Variants in PDE1C observed in about 807,000 individuals in gnomAD.
The protein encoded by PDE1C is dual specificity calcium/calmodulin-dependent 3',5'-cyclic nucleotide phosphodiesterase 1C.
PDE1C carries 62 observed loss-of-function variants against 93.1 expected under a neutral mutation model. The observed-to-expected ratio is 0.67, with a 90% CI of 0.54 to 0.82. The LOEUF is 0.82. PDE1C is among the 40% of genes least tolerant of loss of function. The pLI is 0.00. For missense variants in PDE1C, 742 were observed against 884.6 expected (o/e 0.84, Z 2.04); for synonymous variants, 325 against 310.1 (o/e 1.05, Z -0.50).
intron 7 of PDE1C, among the ~76,000 whole-genome samples, chr7:31,863,039 T>C (rs1261262777): frequency 6.6e-6 from 1 of 152,196 alleles, no homozygotes; most frequent in Non-Finnish European, 1.5e-5. Context: ...CTTTGAATAG[T>C]ATTGCTTTGA....
the PDE1C span, among the ~76,000 whole-genome samples, chr7:31,645,722 G>A: frequency 1.2e-4 from 19 of 152,134 alleles, no homozygotes; most frequent in African/African-American, 3.6e-4. Flanking sequence ...ATGACATTTC[G>A]TGATGTTTGG....
In PDE1C at chr7:32,144,457, A is replaced by C. The variant is rs32320; in HGVS notation, c.308+25328T>G. ...AGAAACACCTGCCCATCTCCAGGCA[A>C]TCATCATGGCTGGAGGAATCCTGTA... On this transcript the variant is annotated intron_variant, in intron 3 of 18. Coordinates refer to the PDE1C transcript ENST00000396193. 5.5e-3 allele frequency among the ~76,000 whole-genome samples: 845 copies of C among 152,292 alleles called. 5 individuals carry two copies. The highest frequency in any genetic ancestry group is 0.019 in the African/African-American group (792 of 41,556).
chr7:32,055,149 T>C (rs1793900047), intron 1 of PDE1C, among the ~76,000 whole-genome samples: 1 of 152,252 alleles, frequency 6.6e-6, no homozygotes, highest in African/African-American at 2.4e-5. Flanking sequence ...TGTTATTGAA[T>C]TCATGAATGC....
At chr7:32,177,511 C>T (rs1469013160) in intron 2 of PDE1C, among the ~76,000 whole-genome samples, 1 of 152,138 alleles carries the variant, frequency 6.6e-6, no homozygotes, top group Non-Finnish European at 1.5e-5. Flanking sequence ...CAGGGGTGTG[C>T]CTTTCAAATA....
the PDE1C span, among the ~76,000 whole-genome samples, chr7:31,714,604 AAAG>A: frequency 6.6e-6 from 1 of 152,190 alleles, no homozygotes; most frequent in African/African-American, 2.4e-5. Context: ...CTGGGAAGAA[AAAG>A]AAGTTTAATG....
chr7:32,357,055 C>T (rs748626904), intron 1 of PDE1C, among the ~76,000 whole-genome samples: 5 of 152,152 alleles, frequency 3.3e-5, no homozygotes, highest in Non-Finnish European at 7.4e-5. Context: ...AACTTTAGGC[C>T]GGGCTCAGTG....
chr7:32,097,063 C>T (rs1797792199), intron 3 of PDE1C, among the ~76,000 whole-genome samples: 1 of 152,184 alleles, frequency 6.6e-6, no homozygotes, highest in East Asian at 1.9e-4. Flanking sequence ...CCAGAAAAGA[C>T]CAATGTCCCA....
At chr7:31,691,184 T>C in the PDE1C span, among the ~76,000 whole-genome samples, 1 of 152,176 alleles carries the variant, frequency 6.6e-6, no homozygotes, top group African/African-American at 2.4e-5. Context: ...GCTCAAGTGA[T>C]CAGTTAATAG....
chr7:31,918,726 C>T (rs1356031459), intron 2 of PDE1C, among the ~76,000 whole-genome samples: 6 of 152,198 alleles, frequency 3.9e-5, no homozygotes, highest in Non-Finnish European at 7.3e-5. Flanking sequence ...GTCATTTCTG[C>T]TTCCCTTTTG....
intron 7 of PDE1C, among the ~76,000 whole-genome samples, chr7:31,860,098 C>T (rs1234716021): frequency 1.3e-5 from 2 of 152,170 alleles, no homozygotes; most frequent in Non-Finnish European, 2.9e-5. Flanking sequence ...GTAATCACTG[C>T]AAAATTGTTT....
chr7:32,020,880 T>G (rs546989906), intron 2 of PDE1C, among the ~76,000 whole-genome samples: 1 of 152,148 alleles, frequency 6.6e-6, no homozygotes, highest in Non-Finnish European at 1.5e-5. Flanking sequence ...ATTGCAGAAA[T>G]TTCTAGACCC....
rs1405705201 is a variant in PDE1C, at chr7:31,828,295, C to T, written c.1282G>A (p.Val428Ile). ...CCAAAGAGCTGCAAACACGTACCTA[C>T]TTGTGACTGAGCAACCATAGTGGAC... ...RKSTMVAQSQ[V>I]GFIDFIVEPT... The change falls in exon 12 of 18, where the codon GTA becomes ATA. Residue 428 changes from valine to isoleucine, a missense_variant. Coordinates refer to ENST00000396191, the MANE Select transcript of PDE1C (RefSeq NM_001191057.4). The T allele has an allele frequency of 1.2e-6, 2 of 1,612,022 alleles. No homozygotes were observed. Among genetic ancestry groups the T allele is most frequent in the South Asian group, 1.1e-5 (1 of 90,976 alleles).
rs201776732 is a variant in PDE1C at position 32,172,109 on chromosome 7, A to G, written c.137-2153T>C. On this transcript the variant is annotated intron_variant, in intron 2 of 18. Transcript: ENST00000396193. ...TAAATAACTATTATTTTAAAAGTCT[A>G]TGAGCAAAAAATTTTTTAAGTAGAG... is the stretch of plus-strand genomic sequence containing the variant. 1.8e-4 allele frequency among the ~76,000 whole-genome samples: 27 copies of G among 152,020 alleles called. No homozygotes were observed. The East Asian group carries it at 5.2e-3, about 29-fold the overall frequency.
chr7:31,943,116 G>T (rs1426372072), intron 2 of PDE1C, among the ~76,000 whole-genome samples: 1 of 152,114 alleles, frequency 6.6e-6, no homozygotes, highest in Non-Finnish European at 1.5e-5. Flanking sequence ...TCCTGGTTAG[G>T]CCATCCCCCA....
chr7:32,274,880 G>T (rs1014940865), intron 1 of PDE1C, among the ~76,000 whole-genome samples: 3 of 152,106 alleles, frequency 2.0e-5, no homozygotes, highest in Admixed American at 1.3e-4. Flanking sequence ...AATTGATATG[G>T]TTCATAAAAC....
chr7:31,929,568 T>C (rs879502568), intron 2 of PDE1C, among the ~76,000 whole-genome samples: 25 of 151,794 alleles, frequency 1.6e-4, no homozygotes, highest in Non-Finnish European at 2.1e-4. Context: ...TGCAAAAGAA[T>C]GGAAAACATA....
chr7:32,323,625 C>G (rs551045235), intron 1 of PDE1C, among the ~76,000 whole-genome samples: 3 of 152,050 alleles, frequency 2.0e-5, no homozygotes, highest in Non-Finnish European at 4.4e-5. Flanking sequence ...ATGTCAACCA[C>G]GGAACCAAGT....
At chr7:32,420,792 T>C (rs142773754) in intron 1 of PDE1C, among the ~76,000 whole-genome samples, 8 of 152,250 alleles carry the variant, frequency 5.3e-5, no homozygotes, top group South Asian at 4.1e-4. Context: ...AAGGGCAAGT[T>C]TGAGCAGAGC....
At chr7:32,379,412 G>A (rs1293723420) in intron 1 of PDE1C, among the ~76,000 whole-genome samples, 2 of 152,170 alleles carry the variant, frequency 1.3e-5, no homozygotes, top group African/African-American at 4.8e-5. Context: ...CTGTGCCTTG[G>A]GATAAAAAAG....
Sources: allele counts gnomAD v4.1 joint callset (sites outside exome capture counted in the v4.1 genomes callset), GRCh38; gene constraint gnomAD v4.1.1; transcripts MANE v1.5; gene names NCBI Gene and HGNC (gene_info 2026-07-23, HGNC 2026-07-21).